Variants in RASL12 observed in about 807,000 individuals in gnomAD.
RASL12 encodes the protein RAS like family 12, also known as ras-like protein family member 12.
In RASL12, 16 loss-of-function variants were observed where a neutral mutation model predicts 22.9. The observed-to-expected ratio is 0.70, with a 90% CI of 0.47 to 1.06. RASL12 has a LOEUF of 1.06. RASL12 is among the 50% of genes least tolerant of loss of function. The probability of loss-of-function intolerance (pLI) is 0.00; values close to 1 mark genes in which losing one functional copy is unlikely to be tolerated. For synonymous variants in RASL12, 159 were observed against 152.2 expected (o/e 1.04, Z -0.33); for missense variants, 306 against 353.1 (o/e 0.87, Z 1.07).
downstream of RASL12, among the ~76,000 whole-genome samples, chr15:65,048,726 G>A (rs1191939819): frequency 6.6e-6 from 1 of 152,098 alleles, no homozygotes; most frequent in Non-Finnish European, 1.5e-5. Flanking sequence ...ATGTGTTATT[G>A]GGTCAGGCGC....
downstream of RASL12, chr15:65,050,215 C>T (rs2086631436): frequency 1.2e-6 from 1 of 815,562 alleles, no homozygotes; most frequent in South Asian, 1.7e-5. Context: ...TACATTTCCT[C>T]CAAGACAGGG....
downstream of RASL12, chr15:65,049,686 G>C (rs1363561141): frequency 1.0e-5 from 2 of 199,688 alleles, no homozygotes; most frequent in African/African-American, 4.7e-5. Context: ...CTCACTCCCA[G>C]AACAGTGCTC....
intron 4 of RASL12, among the ~76,000 whole-genome samples, chr15:65,057,634 C>T (rs1182876644): frequency 1.3e-5 from 2 of 152,182 alleles, no homozygotes; most frequent in Non-Finnish European, 2.9e-5. Context: ...TCTAAGAGAA[C>T]CTGCCCTCAG....
chr15:65,061,778 G>A (rs1402315478), intron 2 of RASL12, among the ~76,000 whole-genome samples: 1 of 152,098 alleles, frequency 6.6e-6, no homozygotes, highest in East Asian at 1.9e-4. Flanking sequence ...GGCCGGGCGT[G>A]GTGGCTCACA....
chr15:65,072,016 C>T (rs1483877712), upstream of RASL12, among the ~76,000 whole-genome samples: 1 of 152,216 alleles, frequency 6.6e-6, no homozygotes, highest in African/African-American at 2.4e-5. Flanking sequence ...GTCAGACACT[C>T]TTTCCCTACC....
At chr15:65,063,586 G>A (rs1263772812) in intron 2 of RASL12, among the ~76,000 whole-genome samples, 1 of 152,144 alleles carries the variant, frequency 6.6e-6, no homozygotes, top group Non-Finnish European at 1.5e-5. Context: ...AGGCACCGGG[G>A]GTCAAGCAGA....
chr15:65,076,272 G>C (rs948872746), intron 1 of RASL12, among the ~76,000 whole-genome samples: 1 of 152,164 alleles, frequency 6.6e-6, no homozygotes, highest in Admixed American at 6.5e-5. Context: ...GGTCCACACT[G>C]CTTTTATGAG....
intron 4 of RASL12, 47 bp downstream of exon 4, chr15:65,058,380 T>G: frequency 7.2e-7 from 1 of 1,397,350 alleles, no homozygotes; most frequent in Non-Finnish European, 9.4e-7. Context: ...ACCTTACAAG[T>G]GAAGAAAGCG....
intron 4 of RASL12, among the ~76,000 whole-genome samples, chr15:65,055,619 G>A (rs1424726255): frequency 6.6e-6 from 1 of 152,214 alleles, no homozygotes; most frequent in Non-Finnish European, 1.5e-5. Flanking sequence ...TGTGGCTGGA[G>A]GAAGCAGGCC....
intron 2 of RASL12, among the ~76,000 whole-genome samples, chr15:65,060,051 T>G (rs1366420251): frequency 2.6e-5 from 4 of 152,270 alleles, no homozygotes; most frequent in African/African-American, 9.6e-5. Flanking sequence ...TTCAGCTCTC[T>G]GAGGCTGTTT....
rs534963463 is a variant in RASL12, at chr15:65,061,854, C to G, written c.161-2436G>C. Among the ~76,000 whole-genome samples the G allele has an allele frequency of 5.9e-5, 9 of 152,046 alleles. No homozygotes were observed. The South Asian group carries it at 1.9e-3, about 32-fold the overall frequency. ...CACAAGGTCAGGAGTTCTAGACCAT[C>G]CTGCTGAACACGGTGAAACCCTGTC... On this transcript the variant is annotated intron_variant, in intron 2 of 4. Transcript: ENST00000220062.
chr15:65,052,311 G>A (rs2086663507), downstream of RASL12, among the ~76,000 whole-genome samples: 1 of 151,742 alleles, frequency 6.6e-6, no homozygotes, highest in African/African-American at 2.4e-5. Flanking sequence ...GACAGTCCAA[G>A]GTCAGAGACA....
At chr15:65,052,932 C>A, downstream of RASL12, 4 of 1,170,730 alleles carry the variant, frequency 3.4e-6, no homozygotes, top group African/African-American at 1.6e-5. Context: ...AACCACTCAG[C>A]CCCCCTCATT....
intron 4 of RASL12, among the ~76,000 whole-genome samples, chr15:65,055,850 A>G (rs766839818): frequency 1.6e-4 from 25 of 152,186 alleles, no homozygotes; most frequent in Non-Finnish European, 2.9e-4. Flanking sequence ...TCACAATGAC[A>G]AAGTTGCAGA....
intron 2 of RASL12, among the ~76,000 whole-genome samples, chr15:65,062,247 C>A (rs952371499): frequency 6.6e-6 from 1 of 152,130 alleles, no homozygotes; most frequent in African/African-American, 2.4e-5. Flanking sequence ...CAGGCAAAGC[C>A]CTTCCACAGA....
intron 1 of RASL12, among the ~76,000 whole-genome samples, chr15:65,067,454 A>C (rs2086891679): frequency 6.6e-6 from 1 of 152,050 alleles, no homozygotes; most frequent in African/African-American, 2.4e-5. Flanking sequence ...AGCAGGGGTC[A>C]CTGATACGGA....
At chr15:65,063,308 T>C (rs2086835388) in intron 2 of RASL12, among the ~76,000 whole-genome samples, 1 of 152,202 alleles carries the variant, frequency 6.6e-6, no homozygotes, top group Admixed American at 6.5e-5. Context: ...GGAATTCCCC[T>C]TGTCCTTTCC....
intron 1 of RASL12, among the ~76,000 whole-genome samples, chr15:65,075,814 T>C (rs1418047220): frequency 2.0e-5 from 3 of 152,198 alleles, no homozygotes; most frequent in Non-Finnish European, 4.4e-5. Flanking sequence ...CTAGCTGCTC[T>C]GGTGGGGCCT....
chr15:65,053,396 C>T lies in RASL12; in HGVS notation c.*1503G>A. ...TCCTGGAAGGGAGCAGGTGGTATTGCATAGTTTGTTCAGATGGCAGTGGTA... is the reference window on the plus strand; with the variant it reads ...TCCTGGAAGGGAGCAGGTGGTATTGTATAGTTTGTTCAGATGGCAGTGGTA... On this transcript the variant is annotated 3_prime_UTR_variant, in exon 5 of 5. Transcript: ENST00000220062. 1.5e-6 allele frequency: 2 copies of T among 1,350,462 alleles called. No individual in the cohort carries two copies. The highest frequency in any genetic ancestry group is 1.9e-6 in the Non-Finnish European group (2 of 1,053,308). 83.7% of individuals were successfully genotyped at this position (1,350,462 alleles called of 1,614,324 possible).
Sources: gnomAD v4.1 joint callset for allele counts (sites outside exome capture counted in the v4.1 genomes callset) on GRCh38, gnomAD v4.1.1 for gene constraint, MANE v1.5 for transcripts, NCBI Gene and HGNC (gene_info 2026-07-23, HGNC 2026-07-21) for gene names.